The following HCRTR1 variants were observed in gnomAD, a reference collection of about 807,000 sequenced individuals.
The protein encoded by HCRTR1 is hypocretin receptor 1.
A neutral mutation model predicts 40.6 loss-of-function variants in HCRTR1; 28 were observed. That is an observed-to-expected ratio of 0.69 (90% CI 0.51 to 0.95). The LOEUF (loss-of-function observed/expected upper bound fraction) is 0.95, where lower values mean the gene tolerates loss of function less well. HCRTR1 is among the 40% of genes least tolerant of loss of function. The pLI is 0.00. For missense variants in HCRTR1, 482 were observed against 564.7 expected, an observed-to-expected ratio of 0.85 and a Z score of 1.48; for synonymous variants, 209 against 230.0, an observed-to-expected ratio of 0.91 and a Z score of 0.83.
downstream of HCRTR1, chr1:31,630,635 A>G: frequency 6.2e-7 from 1 of 1,612,570 alleles, no homozygotes; most frequent in Non-Finnish European, 8.5e-7. Context: ...AGAAGCTGTC[A>G]TGGTGACGAA....
At chr1:31,622,201 C>T (rs142295530) in intron 6 of HCRTR1, among the ~76,000 whole-genome samples, 72 of 152,286 alleles carry the variant, frequency 4.7e-4, no homozygotes, top group African/African-American at 1.7e-3. Flanking sequence ...GACTGACCCA[C>T]GGTGGGTTTC....
At chr1:31,621,693 A>T in intron 6 of HCRTR1, 101 bp downstream of exon 6, 1 of 849,968 alleles carries the variant, frequency 1.2e-6, no homozygotes, top group Non-Finnish European at 1.9e-6. Flanking sequence ...CCATCAGCAC[A>T]TGCCATCTTG....
chr1:31,624,693 T>A (rs1326866996), intron 7 of HCRTR1, among the ~76,000 whole-genome samples: 1 of 152,128 alleles, frequency 6.6e-6, no homozygotes, highest in Non-Finnish European at 1.5e-5. Flanking sequence ...GTTTCCTTAA[T>A]GGAAAAATGG....
downstream of HCRTR1, among the ~76,000 whole-genome samples, chr1:31,628,316 T>C (rs2148613254): frequency 6.6e-6 from 1 of 152,290 alleles, no homozygotes; most frequent in Non-Finnish European, 1.5e-5. Flanking sequence ...GCAGGTGGAA[T>C]GTGTGGTCTA....
downstream of HCRTR1, among the ~76,000 whole-genome samples, chr1:31,629,377 G>A (rs1640035457): frequency 6.6e-6 from 1 of 152,212 alleles, no homozygotes; most frequent in Non-Finnish European, 1.5e-5. Flanking sequence ...TAGAATGTCT[G>A]GTGTCTTTGG....
At chr1:31,632,356 G>A (rs779875686), downstream of HCRTR1, 5 of 1,422,146 alleles carry the variant, frequency 3.5e-6, no homozygotes, top group Admixed American at 5.2e-5. Context: ...GGTGAGGGAT[G>A]CAGGCCTGCA....
downstream of HCRTR1, chr1:31,630,897 C>G: frequency 7.2e-7 from 1 of 1,397,760 alleles, no homozygotes; most frequent in Non-Finnish European, 9.9e-7. Context: ...TGAGCACCTC[C>G]ATCAATCAGG....
At position 31,626,151 on chromosome 1, in the gene HCRTR1, T is replaced by A. The variant is rs886790192; in HGVS notation, c.1088-639T>A. Among the ~76,000 whole-genome samples the A allele has an allele frequency of 2.6e-5, 4 of 152,224 alleles. No individual in the cohort carries two copies. In the South Asian group the frequency reaches 8.3e-4, roughly 32 times the overall value. ...AGGGGCTTCAGCCTGACAAAATCTGTTTCCCTGGTATACTTGGGCTGAATA... is the reference window on the plus strand; with the variant it reads ...AGGGGCTTCAGCCTGACAAAATCTGATTCCCTGGTATACTTGGGCTGAATA... On this transcript the variant is annotated intron_variant, in intron 8 of 8. Transcript: ENST00000403528. This position sits in a 1 kb window ranked among gnomAD's most constrained non-coding sequence, Gnocchi z 4.6.
At chr1:31,630,632 G>C (rs760183446), downstream of HCRTR1, 3 of 1,612,394 alleles carry the variant, frequency 1.9e-6, no homozygotes, top group African/African-American at 1.3e-5. Context: ...CCGAGAAGCT[G>C]TCATGGTGAC....
At chr1:31,619,943 CAT>C (rs1639817585) in intron 4 of HCRTR1, among the ~76,000 whole-genome samples, 1 of 152,214 alleles carries the variant, frequency 6.6e-6, no homozygotes, top group South Asian at 2.1e-4. Flanking sequence ...CAGCCACAGA[CAT>C]ATACATAGAC....
rs1450216325 is a variant in HCRTR1, at chr1:31,627,501, C to T, written c.*521C>T. On this transcript the variant is annotated 3_prime_UTR_variant, in exon 9 of 9. Transcript: ENST00000403528. ...CCACCCTAACCAGGTGCCAAGGGCA[C>T]ACACCACAGACCCGACCTTGTTGGC... The T allele has an allele frequency of 1.1e-5, 6 of 529,110 alleles. No homozygotes were observed. Among genetic ancestry groups the T allele is most frequent in the Non-Finnish European group, 1.9e-5 (6 of 309,314 alleles). The allele number at this position is 529,110 out of a possible 1,614,324, so 32.8% of individuals were successfully genotyped here. A position where few individuals can be genotyped will look rare whatever the true frequency, so the allele number is the denominator to read the frequency against.
At chr1:31,629,258 T>G (rs1640033988), downstream of HCRTR1, among the ~76,000 whole-genome samples, 1 of 152,196 alleles carries the variant, frequency 6.6e-6, no homozygotes, top group Non-Finnish European at 1.5e-5. Flanking sequence ...CATAGTTACT[T>G]CCAACTACCC....
At position 31,625,060 on chromosome 1, in the gene HCRTR1, C is replaced by T; in HGVS notation, c.1029C>T (p.Ser343=). The change falls in exon 8 of 9, where the codon TCC becomes TCT. Residue 343 remains serine, a synonymous_variant. Coordinates refer to ENST00000403528, the MANE Select transcript of HCRTR1 (RefSeq NM_001525.3). The surrounding 1 kb of genome is among the most constrained non-coding windows in gnomAD (Gnocchi z 4.2). The stretch of plus-strand genomic sequence containing the variant: ...CTGTCTACGCCTGCTTCACCTTCTC[C>T]CACTGGCTGGTGTACGCCAACAGCG... ...REAVYACFTF[S]HWLVYANSAA... 6.2e-7 allele frequency: 1 copy of T among 1,613,030 alleles called. No homozygotes were observed. The highest frequency in any genetic ancestry group is 8.5e-7 in the Non-Finnish European group (1 of 1,179,466).
In HCRTR1 at chr1:31,623,705, C is replaced by T. The variant is rs35443818; in HGVS notation, c.921C>T (p.Phe307=). The T allele has an allele frequency of 1.8e-3, 2,888 of 1,614,174 alleles. 9 individuals carry two copies. Among genetic ancestry groups the T allele is most frequent in the Admixed American group, 3.9e-3 (237 of 60,028 alleles). The change falls in exon 7 of 9, where the codon TTC becomes TTT. Residue 307 remains phenylalanine, a synonymous_variant. Transcript: ENST00000403528. ...AKMLMVVLLV[F]ALCYLPISVL... is the part of the protein sequence containing the mutation. ...TGCTGATGGTGGTGCTGCTGGTCTT[C>T]GCCCTCTGCTACCTGCCCATCAGCG... is the stretch of plus-strand genomic sequence containing the variant.
chr1:31,633,209 A>C, downstream of HCRTR1: 1 of 1,614,072 alleles, frequency 6.2e-7, no homozygotes, highest in Non-Finnish European at 8.5e-7. Context: ...ATTGCAGTTG[A>C]CCAGGGCCTG....
chr1:31,619,701 C>G lies in HCRTR1; in HGVS notation c.369C>G (p.Pro123=), dbSNP rs201793483. The G allele has an allele frequency of 1.2e-6, 2 of 1,602,116 alleles. No individual in the cohort carries two copies. Among genetic ancestry groups the G allele is most frequent in the Non-Finnish European group, 1.7e-6 (2 of 1,173,104 alleles). The change falls in exon 4 of 9, where the codon CCC becomes CCG. Residue 123 remains proline (P), a synonymous_variant. Transcript: ENST00000403528. Reference sequence around the variant, plus strand: ...GCCATGCCCTCTGCAAGGTCATCCCCTATCTACAGGTGAGCTCTGCCCAGG... The same window carrying G: ...GCCATGCCCTCTGCAAGGTCATCCCGTATCTACAGGTGAGCTCTGCCCAGG... ...LFGHALCKVI[P]YLQAVSVSVA... is the part of the protein sequence containing the mutation.
At chr1:31,632,805 T>C (rs559733012), downstream of HCRTR1, among the ~76,000 whole-genome samples, 1 of 152,226 alleles carries the variant, frequency 6.6e-6, no homozygotes, top group African/African-American at 2.4e-5. Context: ...ACATCAAGCG[T>C]TGCACCGTCC....
downstream of HCRTR1, among the ~76,000 whole-genome samples, chr1:31,628,517 C>A (rs574846430): frequency 6.6e-6 from 1 of 152,304 alleles, no homozygotes; most frequent in Non-Finnish European, 1.5e-5. Context: ...TGAGGGCTGG[C>A]CCCCAAGCTC....
downstream of HCRTR1, among the ~76,000 whole-genome samples, chr1:31,628,481 T>A (rs189497119): frequency 1.1e-3 from 163 of 152,254 alleles, no homozygotes; most frequent in African/African-American, 3.8e-3. Flanking sequence ...TAGGTAGGCT[T>A]GGAGGTGAGT....
Sources: allele counts gnomAD v4.1 joint callset (sites outside exome capture counted in the v4.1 genomes callset), GRCh38; gene constraint gnomAD v4.1.1; non-coding constraint Gnocchi (gnomAD v3.1); transcripts MANE v1.5; gene names NCBI Gene and HGNC (gene_info 2026-07-23, HGNC 2026-07-21).